ABCA9: variants seen among roughly 807,000 people sequenced by gnomAD.
ABCA9 encodes the protein ATP binding cassette subfamily A member 9, also known as ATP-binding cassette sub-family A member 9.
A neutral mutation model predicts 205.3 loss-of-function variants in ABCA9; 183 were observed. The observed-to-expected ratio is 0.89, with a 90% CI of 0.79 to 1.01. ABCA9 has a LOEUF of 1.01. Among genes scored for constraint, ABCA9 ranks in the 50% least tolerant of loss-of-function variants. The probability of loss-of-function intolerance (pLI) is 0.00; values close to 1 mark genes in which losing one functional copy is unlikely to be tolerated. For synonymous variants in ABCA9, 651 were observed against 683.3 expected (o/e 0.95, Z 0.74); for missense variants, 1,805 against 1,912.4 (o/e 0.94, Z 1.05).
At chr17:69,050,061 C>T (rs1166866487) in intron 2 of ABCA9, among the ~76,000 whole-genome samples, 1 of 152,018 alleles carries the variant, frequency 6.6e-6, no homozygotes, top group Non-Finnish European at 1.5e-5. Flanking sequence ...TGATACTACA[C>T]ATAAGTCCTT....
chr17:69,027,470 T>C, intron 13 of ABCA9, 21 bp from the exon 14 acceptor site: 1 of 1,595,446 alleles, frequency 6.3e-7, no homozygotes, highest in Non-Finnish European at 8.5e-7. Context: ...AAAGAATATT[T>C]AGTCCAAAAC....
Position 69,018,467 on chromosome 17 carries a change from G to A in ABCA9, c.2713C>T (p.Pro905Ser). ...AGAGGATCCTGTGGTTGTTGTCCTGGTGAGAGGAAGTATGTATTTGGAGAC... is the reference window on the plus strand; with the variant it reads ...AGAGGATCCTGTGGTTGTTGTCCTGATGAGAGGAAGTATGTATTTGGAGAC... ...ELSPNTYFLS[P>S]GQQPQDPLTH... The change falls in exon 20 of 39, where the codon CCA becomes TCA. Residue 905 changes from proline to serine, a missense_variant. Pro to Ser is a moderately conservative substitution (Grantham distance 74). Transcript: ENST00000340001. The A allele has an allele frequency of 6.2e-7, 1 of 1,607,766 alleles. No homozygotes were observed. Among genetic ancestry groups the A allele is most frequent in the African/African-American group, 1.3e-5 (1 of 74,436 alleles).
At chr17:68,985,213 T>G (rs2069191818) in intron 32 of ABCA9, 85 bp from the exon 33 acceptor site, 517 of 1,563,700 alleles carry the variant, frequency 3.3e-4, no homozygotes, top group Non-Finnish European at 4.1e-4. Flanking sequence ...AACACGACGG[T>G]GGGGGAGGTG....
At chr17:69,068,177 A>G in the ABCA9 span, among the ~76,000 whole-genome samples, 1 of 152,218 alleles carries the variant, frequency 6.6e-6, no homozygotes, top group Non-Finnish European at 1.5e-5. Context: ...CTTCAAACAA[A>G]AATGTATTTG....
chr17:69,056,052 A>G (rs2072060840), intron 1 of ABCA9, among the ~76,000 whole-genome samples: 1 of 152,212 alleles, frequency 6.6e-6, no homozygotes, highest in South Asian at 2.1e-4. Context: ...CAATGCATAC[A>G]TTAGTAAAGA....
intron 2 of ABCA9, among the ~76,000 whole-genome samples, chr17:69,049,976 C>T (rs1015362866): frequency 6.6e-6 from 1 of 151,960 alleles, no homozygotes; most frequent in African/African-American, 2.4e-5. Context: ...GTCATCGTGA[C>T]CACATTCGGG....
the ABCA9 span, among the ~76,000 whole-genome samples, chr17:69,076,510 G>C: frequency 6.6e-6 from 1 of 152,126 alleles, no homozygotes; most frequent in Non-Finnish European, 1.5e-5. Context: ...TCTGGTATTA[G>C]GGTGATGCTG....
At chr17:68,990,237 GCTCT>G (rs1332670778) in intron 29 of ABCA9, among the ~76,000 whole-genome samples, 1 of 152,102 alleles carries the variant, frequency 6.6e-6, no homozygotes, top group East Asian at 1.9e-4. Flanking sequence ...CCGCAGACAA[GCTCT>G]CTCTCAGTGA....
At chr17:68,985,785 C>T (rs975062129) in intron 32 of ABCA9, among the ~76,000 whole-genome samples, 2 of 151,222 alleles carry the variant, frequency 1.3e-5, no homozygotes, top group South Asian at 2.1e-4. Flanking sequence ...GTTGAAACCC[C>T]GTCTCTACAA....
intron 19 of ABCA9, among the ~76,000 whole-genome samples, chr17:69,019,095 T>C (rs927672412): frequency 2.6e-5 from 4 of 152,154 alleles, no homozygotes; most frequent in South Asian, 4.1e-4. Context: ...ATAGCATCTT[T>C]ATTGCTTGCC....
At chr17:69,062,000 C>T (rs776659793), upstream of ABCA9, among the ~76,000 whole-genome samples, 8 of 152,134 alleles carry the variant, frequency 5.3e-5, no homozygotes, top group Non-Finnish European at 1.2e-4. Context: ...CAAATGAAAT[C>T]TTCCTTACCC....
In ABCA9 at chr17:69,043,712, C is replaced by T. The variant is rs756210320; in HGVS notation, c.577G>A (p.Ala193Thr). The T allele has an allele frequency of 3.2e-5, 50 of 1,586,072 alleles. No homozygotes were observed. Among genetic ancestry groups the T allele is most frequent in the Middle Eastern group, 3.4e-4 (2 of 5,894 alleles). Residue 193 changes from alanine to threonine, a missense_variant, in exon 6 of 39, where the codon GCA becomes ACA. Ala to Thr is a moderately conservative substitution (Grantham distance 58). Coordinates refer to ENST00000340001, the MANE Select transcript of ABCA9 (RefSeq NM_080283.4). ...AAINAAIIEI[A>T]TNHSVMEQLM... ...TGTTCCATCACTGAATGATTTGTTG[C>T]GATCTGAAGAAAGATATCAATGAAC...
intron 2 of ABCA9, among the ~76,000 whole-genome samples, chr17:69,050,772 T>C (rs956522446): frequency 1.3e-5 from 2 of 152,094 alleles, no homozygotes; most frequent in Non-Finnish European, 2.9e-5. Flanking sequence ...GATATGGCTT[T>C]ATTTTTCAAG....
intron 25 of ABCA9, among the ~76,000 whole-genome samples, chr17:68,997,486 T>C (rs943233100): frequency 6.6e-6 from 1 of 152,040 alleles, no homozygotes; most frequent in Non-Finnish European, 1.5e-5. Flanking sequence ...TTATCAGTGC[T>C]TTTGCAATTT....
intron 1 of ABCA9, among the ~76,000 whole-genome samples, chr17:69,059,799 A>T (rs1170634911): frequency 6.6e-6 from 1 of 152,132 alleles, no homozygotes; most frequent in African/African-American, 2.4e-5. Flanking sequence ...GACGTGCCTC[A>T]TCAGCAGAAC....
At chr17:69,051,569 G>T (rs985996184) in intron 1 of ABCA9, 3 of 166,646 alleles carry the variant, frequency 1.8e-5, no homozygotes, top group Non-Finnish European at 3.9e-5. Flanking sequence ...TGGATATGCA[G>T]CCCATGGAGA....
chr17:69,051,090 A>G lies in ABCA9; in HGVS notation c.37T>C (p.Trp13Arg), dbSNP rs2071886985. The stretch of plus-strand genomic sequence containing the variant: ...AGACAGTTCTTGCAGAGAAGAGCCC[A>G]TGTTTGCTGACCCACGCTCATGCGT... ...KRRMSVGQQT[W>R]ALLCKNCLKK... The change falls in exon 2 of 39, where the codon TGG (tryptophan) becomes CGG (arginine). Residue 13 changes from tryptophan (W) to arginine (R), a missense_variant. By Grantham distance (101) the Trp-to-Arg change is moderately radical. Transcript: ENST00000340001. 6.2e-7 allele frequency: 1 copy of G among 1,613,750 alleles called. No individual in the cohort carries two copies. The highest frequency in any genetic ancestry group is 1.1e-5 in the South Asian group (1 of 91,046).
At chr17:69,000,430 T>C (rs1258338204) in intron 25 of ABCA9, among the ~76,000 whole-genome samples, 3 of 152,178 alleles carry the variant, frequency 2.0e-5, no homozygotes, top group South Asian at 2.1e-4. Context: ...AAAGATCAGA[T>C]AGTTATAGAT....
At position 69,036,071 on chromosome 17, in the gene ABCA9, G is replaced by C. The variant is rs76106527; in HGVS notation, c.801-270C>G. Among the ~76,000 whole-genome samples, 503 of 152,298 alleles carry C rather than the reference G, an allele frequency of 3.3e-3. 5 individuals are homozygous for C. The highest frequency in any genetic ancestry group is 0.011 in the African/African-American group (478 of 41,570). ...TCACTGGGAGAGGTTTCCAGAGAGA[G>C]CTTTTCTGGGAAGACATCTATGCTG... On this transcript the variant is annotated intron_variant, in intron 6 of 38. Transcript: ENST00000340001.
Sources: gnomAD v4.1 joint callset for allele counts (sites outside exome capture counted in the v4.1 genomes callset) on GRCh38, gnomAD v4.1.1 for gene constraint, MANE v1.5 for transcripts, NCBI Gene and HGNC (gene_info 2026-07-23, HGNC 2026-07-21) for gene names.